PTPRR: variants seen among roughly 807,000 people sequenced by gnomAD.
PTPRR encodes protein tyrosine phosphatase receptor type R.
Under a neutral mutation model 77.2 loss-of-function variants are expected in PTPRR, and 38 were observed. That is an observed-to-expected ratio of 0.49 (90% CI 0.38 to 0.65). PTPRR has a LOEUF of 0.65. Among genes scored for constraint, PTPRR ranks in the 30% least tolerant of loss-of-function variants. PTPRR has a pLI of 0.00. For synonymous variants in PTPRR, 299 were observed against 283.1 expected (o/e 1.06, Z -0.57); for missense variants, 744 against 799.2 (o/e 0.93, Z 0.83).
intron 1 of PTPRR, among the ~76,000 whole-genome samples, chr12:70,914,826 C>A (rs533753650): frequency 6.6e-6 from 1 of 151,386 alleles, no homozygotes; most frequent in South Asian, 2.1e-4. Context: ...CTGTCTCTAA[C>A]AACAACAACA....
chr12:70,763,672 G>A (rs1157987798), intron 3 of PTPRR, among the ~76,000 whole-genome samples: 1 of 152,208 alleles, frequency 6.6e-6, no homozygotes, highest in East Asian at 1.9e-4. Flanking sequence ...GCTCCATGCA[G>A]CAGAAGCACA....
rs549426643 is a variant in PTPRR, at chr12:70,764,597, C to A, written c.471+68G>T. The A allele has an allele frequency of 3.2e-4, 400 of 1,264,998 alleles. 1 individual carries two copies. The highest frequency in any genetic ancestry group is 4.2e-4 in the Non-Finnish European group (364 of 863,072). The allele number at this position is 1,264,998 out of a possible 1,614,324, so 78.4% of individuals were successfully genotyped here. A position where few individuals can be genotyped will look rare whatever the true frequency, so the allele number is the denominator to read the frequency against. On this transcript the variant is annotated intron_variant, in intron 3 of 13. Transcript: ENST00000283228. ...ATTAGCCATACAACTATAGCATGAG[C>A]CCTTTAGTGATTAAAAAAACCACAC...
intron 8 of PTPRR, among the ~76,000 whole-genome samples, chr12:70,697,880 T>C (rs962211609): frequency 5.3e-5 from 8 of 152,186 alleles, no homozygotes; most frequent in African/African-American, 1.4e-4. Context: ...TATGTGTCTA[T>C]TGGAATTGTG....
intron 10 of PTPRR, among the ~76,000 whole-genome samples, chr12:70,662,997 TA>T (rs1189882241): frequency 2.0e-5 from 3 of 152,106 alleles, no homozygotes; most frequent in South Asian, 2.1e-4. Context: ...TGACTAGAAA[TA>T]AAAGAATGTT....
intron 5 of PTPRR, among the ~76,000 whole-genome samples, chr12:70,749,922 A>G (rs1370655986): frequency 6.6e-6 from 1 of 152,246 alleles, no homozygotes; most frequent in Non-Finnish European, 1.5e-5. Context: ...AATTTAGATG[A>G]TAAATGGTGT....
At chr12:70,787,111 T>C (rs1005831358) in intron 2 of PTPRR, among the ~76,000 whole-genome samples, 5 of 152,194 alleles carry the variant, frequency 3.3e-5, no homozygotes, top group Non-Finnish European at 5.9e-5. Context: ...CAGCATAACT[T>C]TGATGCACAA....
chr12:70,833,266 T>A (rs1389042846), intron 2 of PTPRR, among the ~76,000 whole-genome samples: 1 of 152,096 alleles, frequency 6.6e-6, no homozygotes. Flanking sequence ...TAAGAAAGCA[T>A]AGAGGTTGCC....
At chr12:70,908,939 C>T (rs1297866751) in intron 1 of PTPRR, among the ~76,000 whole-genome samples, 2 of 152,186 alleles carry the variant, frequency 1.3e-5, no homozygotes, top group African/African-American at 4.8e-5. Flanking sequence ...CACATCCTTT[C>T]TGAGAAGAGA....
chr12:70,775,920 G>C (rs1891077906), intron 2 of PTPRR, among the ~76,000 whole-genome samples: 1 of 152,086 alleles, frequency 6.6e-6, no homozygotes, highest in Non-Finnish European at 1.5e-5. Context: ...TGACCTGTTA[G>C]AGACATTTTA....
At chr12:70,891,694 G>A (rs997749171) in intron 2 of PTPRR, among the ~76,000 whole-genome samples, 7 of 151,980 alleles carry the variant, frequency 4.6e-5, no homozygotes, top group Non-Finnish European at 7.4e-5. Context: ...CTGAGTGTAT[G>A]CTAGCTGAAA....
chr12:70,755,341 G>A (rs910905680), intron 4 of PTPRR, among the ~76,000 whole-genome samples: 9 of 152,142 alleles, frequency 5.9e-5, no homozygotes, highest in African/African-American at 1.7e-4. Flanking sequence ...AGTAAAACAC[G>A]TCTTGTAGGT....
At chr12:70,744,661 G>A (rs1890154982) in intron 6 of PTPRR, among the ~76,000 whole-genome samples, 1 of 152,036 alleles carries the variant, frequency 6.6e-6, no homozygotes, top group African/African-American at 2.4e-5. Context: ...ATTTGCATAG[G>A]GCATTGTGAT....
chr12:70,768,786 C>G (rs1229708381), intron 2 of PTPRR, among the ~76,000 whole-genome samples: 2 of 151,864 alleles, frequency 1.3e-5, no homozygotes, highest in East Asian at 3.9e-4. Context: ...CCGAATCCAG[C>G]AGCACATCAA....
intron 1 of PTPRR, among the ~76,000 whole-genome samples, chr12:70,908,040 T>C (rs145555178): frequency 6.6e-6 from 1 of 152,204 alleles, no homozygotes; most frequent in Non-Finnish European, 1.5e-5. Flanking sequence ...AGCTAAAATA[T>C]AATTGTTTTC....
intron 1 of PTPRR, among the ~76,000 whole-genome samples, chr12:70,893,521 C>T (rs559324800): frequency 4.6e-5 from 7 of 151,900 alleles, no homozygotes; most frequent in Admixed American, 6.6e-5. Context: ...CAATATCCAT[C>T]GTCTCCTTAC....
intron 2 of PTPRR, among the ~76,000 whole-genome samples, chr12:70,797,546 C>G (rs906940029): frequency 1.3e-5 from 2 of 152,186 alleles, no homozygotes; most frequent in Non-Finnish European, 2.9e-5. Flanking sequence ...TCTGCCTCAT[C>G]ATCATCTCTA....
rs115350064 is a variant in PTPRR at position 70,903,407 on chromosome 12, T to C, written c.59-10430A>G. Among the ~76,000 whole-genome samples the C allele has an allele frequency of 8.0e-3, 1,211 of 151,820 alleles. 19 individuals carry two copies. Among genetic ancestry groups the C allele is most frequent in the African/African-American group, 0.027 (1,140 of 41,480 alleles). On this transcript the variant is annotated intron_variant, in intron 1 of 13. Coordinates refer to ENST00000283228, the MANE Select transcript of PTPRR (RefSeq NM_002849.4). ...AATTAAAAATAATGTAAATCAAAAA[T>C]AAAATAACTGCTAAATAAAATTTAA...
chr12:70,914,823 TAACAACAACAACAGC>T lies in PTPRR; in HGVS notation c.58+5495_58+5509del, dbSNP rs556877039. On this transcript the variant is annotated intron_variant, in intron 1 of 13. Transcript: ENST00000283228. ...GGGCAACAGAGTGAGGCCCTGTCTC[TAACAACAACAACAGC>T]AACAACAACAACAACAAAAACAAAA... Among the ~76,000 whole-genome samples the T allele has an allele frequency of 1.6e-3, 250 of 152,004 alleles. 2 individuals carry two copies. Among genetic ancestry groups the T allele is most frequent in the South Asian group, 0.012 (58 of 4,822 alleles).
intron 2 of PTPRR, among the ~76,000 whole-genome samples, chr12:70,875,916 G>C (rs1037427085): frequency 5.3e-5 from 8 of 152,088 alleles, no homozygotes; most frequent in African/African-American, 1.9e-4. Flanking sequence ...GAAAGATGTT[G>C]TCCTTTTCCA....
Sources: gnomAD v4.1 joint callset for allele counts (sites outside exome capture counted in the v4.1 genomes callset) on GRCh38, gnomAD v4.1.1 for gene constraint, MANE v1.5 for transcripts, NCBI Gene and HGNC (gene_info 2026-07-23, HGNC 2026-07-21) for gene names.